The following CHLSN variants were observed in gnomAD, a reference collection of about 807,000 sequenced individuals.
CHLSN encodes protein cholesin.
the CHLSN span, among the ~76,000 whole-genome samples, chr7:1,126,511 C>A: frequency 4.0e-5 from 6 of 151,820 alleles, no homozygotes; most frequent in African/African-American, 1.5e-4. Context: ...GAAACCCGGT[C>A]TCTATCAAAT....
chr7:1,123,683 T>A, the CHLSN span, among the ~76,000 whole-genome samples: 1 of 151,838 alleles, frequency 6.6e-6, no homozygotes, highest in African/African-American at 2.4e-5. The surrounding 1 kb of genome is among the most constrained non-coding windows in gnomAD (Gnocchi z 4.4). Context: ...CCCATTTCAC[T>A]GGGAGACTGG....
the CHLSN span, among the ~76,000 whole-genome samples, chr7:1,113,741 C>T: frequency 6.6e-6 from 1 of 152,210 alleles, no homozygotes; most frequent in Non-Finnish European, 1.5e-5. Flanking sequence ...GTGCCTCATC[C>T]CAAGCCACCA....
the CHLSN span, chr7:983,282 A>G: frequency 6.5e-7 from 1 of 1,540,148 alleles, no homozygotes. Flanking sequence ...TGCGCCCAAG[A>G]CCCCTCCCCA....
the CHLSN span, among the ~76,000 whole-genome samples, chr7:989,949 T>C: frequency 0.36 from 33,403 of 91,976 alleles, 7,637 homozygotes; most frequent in Admixed American, 0.47. Context: ...GTGCTGGTGG[T>C]GGCGTGGTCG....
chr7:1,035,162 G>A, the CHLSN span, among the ~76,000 whole-genome samples: 1 of 151,982 alleles, frequency 6.6e-6, no homozygotes, highest in Non-Finnish European at 1.5e-5. Context: ...ACTGTGAACA[G>A]TGCTAGGCTG....
the CHLSN span, chr7:984,511 CCCGGGCAGGAGCTGGCCGACCGGCCT>C: frequency 6.4e-7 from 1 of 1,552,716 alleles, no homozygotes. Flanking sequence ...GCTGGCGGGC[CCCGGGCAGGAGCTGGCCGACCGGCCT>C]CCCATCGCCA....
At chr7:1,085,942 C>T in the CHLSN span, among the ~76,000 whole-genome samples, 20 of 152,192 alleles carry the variant, frequency 1.3e-4, no homozygotes, top group Non-Finnish European at 2.4e-4. Context: ...GTCTTGGAGA[C>T]GGAAGTTCCT....
chr7:1,089,506 C>T, the CHLSN span, among the ~76,000 whole-genome samples: 7 of 151,056 alleles, frequency 4.6e-5, no homozygotes, highest in Non-Finnish European at 8.9e-5. Flanking sequence ...GCAACCTCTA[C>T]CTGCCAGGCT....
the CHLSN span, among the ~76,000 whole-genome samples, chr7:1,136,169 TATAA>T: frequency 9.1e-6 from 1 of 109,990 alleles, no homozygotes; most frequent in South Asian, 2.8e-4. Context: ...CATAAATATG[TATAA>T]ATATACATAA....
the CHLSN span, chr7:1,092,556 C>A: frequency 6.2e-7 from 1 of 1,609,910 alleles, no homozygotes; most frequent in Non-Finnish European, 8.5e-7. Flanking sequence ...TGCCGGAGAA[C>A]GTCTTCATCA....
the CHLSN span, among the ~76,000 whole-genome samples, chr7:1,006,011 T>C: frequency 6.6e-6 from 1 of 152,234 alleles, no homozygotes; most frequent in Non-Finnish European, 1.5e-5. Context: ...TTCAGTTATA[T>C]GGAAAGTAAA....
At chr7:1,016,141 A>C in the CHLSN span, among the ~76,000 whole-genome samples, 2 of 72,432 alleles carry the variant, frequency 2.8e-5, no homozygotes, top group Non-Finnish European at 5.1e-5. Flanking sequence ...ACACGCCAGC[A>C]CACAGCAGCA....
chr7:1,008,768 A>G, the CHLSN span, among the ~76,000 whole-genome samples: 4 of 151,684 alleles, frequency 2.6e-5, no homozygotes, highest in Admixed American at 6.6e-5. Context: ...ACGTGCATAA[A>G]CACACACGCA....
At chr7:1,026,816 C>A in the CHLSN span, 1 of 152,282 alleles carries the variant, frequency 6.6e-6, no homozygotes. Flanking sequence ...GGGAACAAAG[C>A]TACGTGGATT....
the CHLSN span, among the ~76,000 whole-genome samples, chr7:1,108,380 G>T: frequency 6.6e-6 from 1 of 151,706 alleles, no homozygotes; most frequent in East Asian, 2.0e-4. Context: ...AAGCAGAGGG[G>T]GGCTGTGTCC....
the CHLSN span, among the ~76,000 whole-genome samples, chr7:1,034,071 CT>C: frequency 6.6e-6 from 1 of 152,194 alleles, no homozygotes; most frequent in African/African-American, 2.4e-5. Context: ...GAAATAAATC[CT>C]GGGACTGTGA....
the CHLSN span, among the ~76,000 whole-genome samples, chr7:1,079,451 G>T: frequency 6.6e-6 from 1 of 152,246 alleles, no homozygotes; most frequent in Non-Finnish European, 1.5e-5. Flanking sequence ...TGGAAAAGCA[G>T]TTCAGAAGCC....
the CHLSN span, among the ~76,000 whole-genome samples, chr7:1,090,023 G>A: frequency 6.6e-6 from 1 of 151,564 alleles, no homozygotes; most frequent in Non-Finnish European, 1.5e-5. Context: ...GGCGGCAGTT[G>A]CAGTGAGCCG....
the CHLSN span, among the ~76,000 whole-genome samples, chr7:1,102,099 C>G: frequency 3.9e-5 from 6 of 152,224 alleles, no homozygotes; most frequent in African/African-American, 7.2e-5. Flanking sequence ...CGTGCACCAC[C>G]CACGTTAACC....
Sources: gnomAD v4.1 joint callset for allele counts (sites outside exome capture counted in the v4.1 genomes callset) on GRCh38, gnomAD v4.1.1 for gene constraint, Gnocchi (gnomAD v3.1) non-coding constraint, MANE v1.5 for transcripts, NCBI Gene and HGNC (gene_info 2026-07-23, HGNC 2026-07-21) for gene names.